The following TOX variants were observed in gnomAD, a reference collection of about 807,000 sequenced individuals.
TOX encodes thymocyte selection associated high mobility group box.
In TOX, 11 loss-of-function variants were observed where a neutral mutation model predicts 53.7. The ratio of observed to expected loss-of-function variants is 0.20; its 90% CI spans 0.13 to 0.34. The LOEUF is 0.34. Ranked by LOEUF, TOX falls within the 10% of genes least tolerant of loss-of-function variation. The pLI, the probability that TOX is intolerant of heterozygous loss-of-function variation, is 1.00. For synonymous variants in TOX, 225 were observed against 245.3 expected, an observed-to-expected ratio of 0.92 and a Z score of 0.77; for missense variants, 570 against 664.6, an observed-to-expected ratio of 0.86 and a Z score of 1.56.
intron 3 of TOX, among the ~76,000 whole-genome samples, chr8:58,881,614 C>T (rs2129170937): frequency 6.6e-6 from 1 of 151,038 alleles, no homozygotes; most frequent in South Asian, 2.1e-4. Flanking sequence ...GTCCCAGCTA[C>T]TCAGGAGGCT....
At chr8:58,852,623 G>A (rs1810843998) in intron 3 of TOX, among the ~76,000 whole-genome samples, 1 of 152,134 alleles carries the variant, frequency 6.6e-6, no homozygotes, top group Admixed American at 6.6e-5. Flanking sequence ...TTGTATAAGA[G>A]GAGTATGGAG....
chr8:59,040,558 C>T (rs55765016), intron 1 of TOX, among the ~76,000 whole-genome samples: 3,048 of 152,262 alleles, frequency 0.02, 96 homozygotes, highest in East Asian at 0.072. Flanking sequence ...AATAAACAAA[C>T]CATTTGAGTG....
At chr8:59,021,878 A>G (rs1361069091) in intron 1 of TOX, among the ~76,000 whole-genome samples, 1 of 152,166 alleles carries the variant, frequency 6.6e-6, no homozygotes, top group Non-Finnish European at 1.5e-5. Context: ...AAAAGCTACA[A>G]TATTTCCTTG....
chr8:58,918,966 G>C (rs1812026184), intron 3 of TOX, among the ~76,000 whole-genome samples: 1 of 151,104 alleles, frequency 6.6e-6, no homozygotes, highest in African/African-American at 2.4e-5. Context: ...TTGCTTCAAA[G>C]AGAATAAAAT....
At chr8:58,865,285 C>T (rs1170306504) in intron 3 of TOX, among the ~76,000 whole-genome samples, 1 of 152,134 alleles carries the variant, frequency 6.6e-6, no homozygotes, top group Non-Finnish European at 1.5e-5. Flanking sequence ...GGAAGGCTGT[C>T]TCAGAATAAG....
chr8:59,068,589 G>T (rs1034896206), intron 1 of TOX, among the ~76,000 whole-genome samples: 13 of 152,156 alleles, frequency 8.5e-5, no homozygotes, highest in African/African-American at 3.1e-4. Context: ...TGTGTATCAG[G>T]CATTCTGAGT....
intron 1 of TOX, among the ~76,000 whole-genome samples, chr8:58,987,195 C>T (rs1226317767): frequency 6.6e-6 from 1 of 152,074 alleles, no homozygotes; most frequent in African/African-American, 2.4e-5. Context: ...CACGATTTTC[C>T]CTTAGTGTTC....
In TOX at chr8:58,873,461, A is replaced by C. The variant is rs1479032681; in HGVS notation, c.412-21656T>G. Among the ~76,000 whole-genome samples the C allele has an allele frequency of 2.0e-5, 3 of 152,144 alleles. 1 individual carries two copies. Among genetic ancestry groups the C allele is most frequent in the South Asian group, 4.1e-4 (2 of 4,828 alleles). On this transcript the variant is annotated intron_variant, in intron 3 of 8. Coordinates refer to ENST00000361421, the MANE Select transcript of TOX (RefSeq NM_014729.3). ...GTACTACAAAGACTACAAGAGCTGG[A>C]AACATGGACCCAAACAGTCAGTTGG... is the stretch of plus-strand genomic sequence containing the variant.
chr8:58,827,357 A>G (rs1486065799), intron 5 of TOX, among the ~76,000 whole-genome samples: 2 of 152,226 alleles, frequency 1.3e-5, no homozygotes, highest in African/African-American at 4.8e-5. Context: ...AATCATGTTC[A>G]ATAAGCAAAT....
chr8:59,017,047 C>T (rs1814025809), intron 1 of TOX, among the ~76,000 whole-genome samples: 1 of 152,234 alleles, frequency 6.6e-6, no homozygotes, highest in Non-Finnish European at 1.5e-5. Flanking sequence ...TCCAGGGGGA[C>T]AGATGGCATC....
chr8:59,079,377 G>T (rs1804355942), intron 1 of TOX, among the ~76,000 whole-genome samples: 1 of 152,172 alleles, frequency 6.6e-6, no homozygotes, highest in Admixed American at 6.5e-5. Flanking sequence ...CACAGGCCCA[G>T]AAGCCTAGGA....
chr8:58,850,812 T>C (rs544447114), intron 4 of TOX, among the ~76,000 whole-genome samples: 1 of 152,316 alleles, frequency 6.6e-6, no homozygotes, highest in African/African-American at 2.4e-5. Flanking sequence ...ACTAGAAAGT[T>C]AACCATGTAT....
chr8:58,885,475 TG>T (rs1173354456), intron 3 of TOX, among the ~76,000 whole-genome samples: 1 of 152,130 alleles, frequency 6.6e-6, no homozygotes, highest in Non-Finnish European at 1.5e-5. Flanking sequence ...CTGGTCACAT[TG>T]GCTTCTTCTC....
At chr8:59,014,637 T>A (rs1223393948) in intron 1 of TOX, among the ~76,000 whole-genome samples, 2 of 152,214 alleles carry the variant, frequency 1.3e-5, no homozygotes, top group African/African-American at 4.8e-5. Flanking sequence ...AGCTTAAATA[T>A]CTTTGTTGCA....
At chr8:59,025,493 G>C (rs1261641680) in intron 1 of TOX, among the ~76,000 whole-genome samples, 1 of 151,876 alleles carries the variant, frequency 6.6e-6, no homozygotes, top group African/African-American at 2.4e-5. Context: ...TTCTTAGCCA[G>C]GCACATAGGA....
intron 1 of TOX, among the ~76,000 whole-genome samples, chr8:59,093,600 T>C (rs912282137): frequency 1.3e-5 from 2 of 152,234 alleles, no homozygotes; most frequent in African/African-American, 4.8e-5. Flanking sequence ...GGGGAATACC[T>C]GTGTAGAAAA....
At chr8:59,018,010 C>A (rs1261983342) in intron 1 of TOX, among the ~76,000 whole-genome samples, 1 of 152,070 alleles carries the variant, frequency 6.6e-6, no homozygotes, top group Non-Finnish European at 1.5e-5. Flanking sequence ...AGATACAAAG[C>A]ACTGTTTTTT....
intron 2 of TOX, among the ~76,000 whole-genome samples, chr8:58,958,913 T>C (rs990952132): frequency 3.3e-5 from 5 of 152,216 alleles, no homozygotes; most frequent in Non-Finnish European, 5.9e-5. Context: ...CCTTAACATA[T>C]ACATTAGATT....
At position 59,118,981 on chromosome 8, in the gene TOX, C is replaced by G. The variant is rs376055079; in HGVS notation, c.7G>C (p.Val3Leu). ...TGGGCTGGAGGTGGATAAAATCTTACGTCCATTTCACTCTCACATCAAGCA... is the reference window on the plus strand; with the variant it reads ...TGGGCTGGAGGTGGATAAAATCTTAGGTCCATTTCACTCTCACATCAAGCA... MD[V>L]RFYPPPAQPA... is the part of the protein sequence containing the mutation. Residue 3 changes from valine to leucine, a missense_variant, in exon 1 of 9, where the codon GTA becomes CTA. Coordinates refer to ENST00000361421, the MANE Select transcript of TOX (RefSeq NM_014729.3). This position sits in a 1 kb window ranked among gnomAD's most constrained non-coding sequence, Gnocchi z 4.1. The G allele has an allele frequency of 1.1e-5, 17 of 1,601,734 alleles. No homozygotes were observed. The highest frequency in any genetic ancestry group is 4.6e-5 in the East Asian group (2 of 43,168).
Sources: gnomAD v4.1 joint callset for allele counts (sites outside exome capture counted in the v4.1 genomes callset) on GRCh38, gnomAD v4.1.1 for gene constraint, Gnocchi (gnomAD v3.1) non-coding constraint, MANE v1.5 for transcripts, NCBI Gene and HGNC (gene_info 2026-07-23, HGNC 2026-07-21) for gene names.